The following SPATA16 variants were observed in gnomAD, a reference collection of about 807,000 sequenced individuals.
The protein encoded by SPATA16 is spermatogenesis associated 16.
In SPATA16, 36 loss-of-function variants were observed where a neutral mutation model predicts 63.3. The ratio of observed to expected loss-of-function variants is 0.57; its 90% CI spans 0.44 to 0.75. The LOEUF (loss-of-function observed/expected upper bound fraction) is 0.75. SPATA16 is among the 30% of genes least tolerant of loss of function. The pLI is 0.00. For missense variants in SPATA16, 646 were observed against 679.3 expected, an observed-to-expected ratio of 0.95 and a Z score of 0.54; for synonymous variants, 203 against 216.7, an observed-to-expected ratio of 0.94 and a Z score of 0.56.
At chr3:173,022,503 A>G (rs145151378) in intron 3 of SPATA16, among the ~76,000 whole-genome samples, 1 of 152,318 alleles carries the variant, frequency 6.6e-6, no homozygotes, top group Non-Finnish European at 1.5e-5. Flanking sequence ...CCCCTGTTAG[A>G]TATTTGGCAA....
At chr3:172,966,799 A>G (rs2108243844) in intron 5 of SPATA16, among the ~76,000 whole-genome samples, 1 of 152,338 alleles carries the variant, frequency 6.6e-6, no homozygotes. Flanking sequence ...TTTACAGATT[A>G]TCTTATACCT....
intron 4 of SPATA16, among the ~76,000 whole-genome samples, chr3:172,992,171 C>CT (rs912215083): frequency 5.3e-5 from 8 of 151,452 alleles, no homozygotes; most frequent in Non-Finnish European, 1.0e-4. Context: ...AGATGATGCT[C>CT]TTTTTTCTTC....
intron 6 of SPATA16, among the ~76,000 whole-genome samples, chr3:172,950,437 A>G (rs547736267): frequency 6.6e-6 from 1 of 152,354 alleles, no homozygotes; most frequent in South Asian, 2.1e-4. Flanking sequence ...CAAATATTAG[A>G]TGATTTATCG....
intron 3 of SPATA16, among the ~76,000 whole-genome samples, chr3:173,026,166 T>A (rs1466277824): frequency 6.6e-6 from 1 of 151,730 alleles, no homozygotes; most frequent in Non-Finnish European, 1.5e-5. Context: ...GTGGCTTTAG[T>A]TTGCATTTCC....
chr3:173,054,636 G>T (rs1225403672), intron 2 of SPATA16, among the ~76,000 whole-genome samples: 1 of 152,054 alleles, frequency 6.6e-6, no homozygotes, highest in Non-Finnish European at 1.5e-5. Flanking sequence ...GCCTATTGGG[G>T]GTGGGGTTTG....
At chr3:172,997,746 C>G (rs1344198980) in intron 4 of SPATA16, among the ~76,000 whole-genome samples, 1 of 152,010 alleles carries the variant, frequency 6.6e-6, no homozygotes, top group Non-Finnish European at 1.5e-5. Context: ...ACATTTAGAT[C>G]TGTGATCCAT....
intron 4 of SPATA16, among the ~76,000 whole-genome samples, chr3:172,989,205 A>C (rs1469761294): frequency 6.6e-6 from 1 of 152,096 alleles, no homozygotes; most frequent in Non-Finnish European, 1.5e-5. Context: ...CAAAATATCC[A>C]TCCAAGTGTA....
chr3:172,960,036 T>A (rs972671813), intron 5 of SPATA16, among the ~76,000 whole-genome samples: 3 of 151,816 alleles, frequency 2.0e-5, no homozygotes, highest in Non-Finnish European at 4.4e-5. Context: ...AAAATTATAC[T>A]TAAGGACTTT....
At chr3:173,019,821 A>G (rs918888203) in intron 3 of SPATA16, among the ~76,000 whole-genome samples, 2 of 152,234 alleles carry the variant, frequency 1.3e-5, no homozygotes, top group African/African-American at 4.8e-5. Flanking sequence ...ATTTTTACAG[A>G]TATGACAATG....
chr3:172,893,429 G>A (rs971209964), intron 10 of SPATA16, among the ~76,000 whole-genome samples: 2 of 151,752 alleles, frequency 1.3e-5, no homozygotes, highest in African/African-American at 4.9e-5. Context: ...GGAGAGGCAG[G>A]GAACAGTTTC....
chr3:173,132,720 C>T (rs901337458), intron 1 of SPATA16, among the ~76,000 whole-genome samples: 4 of 152,122 alleles, frequency 2.6e-5, no homozygotes, highest in Admixed American at 1.3e-4. Flanking sequence ...AAAATATAAA[C>T]TAATATATAA....
At chr3:173,026,095 T>G (rs1177807386) in intron 3 of SPATA16, among the ~76,000 whole-genome samples, 1 of 151,984 alleles carries the variant, frequency 6.6e-6, no homozygotes, top group Non-Finnish European at 1.5e-5. Context: ...ATGATCAGCA[T>G]GTATGCGTGT....
intron 10 of SPATA16, among the ~76,000 whole-genome samples, chr3:172,904,645 A>G (rs1408180484): frequency 6.6e-6 from 1 of 152,228 alleles, no homozygotes; most frequent in East Asian, 1.9e-4. Flanking sequence ...CAGCTGCTGA[A>G]AATGTTTTAC....
chr3:173,088,542 T>A (rs1737144996), intron 2 of SPATA16, among the ~76,000 whole-genome samples: 1 of 152,234 alleles, frequency 6.6e-6, no homozygotes, highest in Non-Finnish European at 1.5e-5. Flanking sequence ...CTTATGATTA[T>A]ATAGATTTGT....
At chr3:173,131,769 A>G (rs1413905716) in intron 1 of SPATA16, among the ~76,000 whole-genome samples, 1 of 152,178 alleles carries the variant, frequency 6.6e-6, no homozygotes, top group African/African-American at 2.4e-5. Flanking sequence ...TGAGGGTTGC[A>G]GCTCAGCCTC....
intron 2 of SPATA16, among the ~76,000 whole-genome samples, chr3:173,086,169 C>CT (rs1039143116): frequency 2.6e-5 from 4 of 151,894 alleles, no homozygotes; most frequent in African/African-American, 7.3e-5. Flanking sequence ...TTGTCCTGGG[C>CT]TTTTTTTGCT....
chr3:172,893,712 G>C (rs975363914), intron 10 of SPATA16, among the ~76,000 whole-genome samples: 2 of 152,136 alleles, frequency 1.3e-5, no homozygotes, highest in Non-Finnish European at 2.9e-5. Flanking sequence ...CCCTGGCACA[G>C]GCTTAGTGTA....
At chr3:172,950,964 G>A (rs1030654058) in intron 6 of SPATA16, among the ~76,000 whole-genome samples, 1 of 152,002 alleles carries the variant, frequency 6.6e-6, no homozygotes, top group African/African-American at 2.4e-5. Context: ...TATGCGGATT[G>A]TATTACTTTA....
intron 1 of SPATA16, among the ~76,000 whole-genome samples, chr3:173,137,245 T>C (rs538408250): frequency 1.3e-5 from 2 of 152,274 alleles, no homozygotes; most frequent in Admixed American, 1.3e-4. Flanking sequence ...GAGGGATTCT[T>C]TTCAAATGGC....
Sources: allele counts gnomAD v4.1 joint callset (sites outside exome capture counted in the v4.1 genomes callset), GRCh38; gene constraint gnomAD v4.1.1; transcripts MANE v1.5; gene names NCBI Gene and HGNC (gene_info 2026-07-23, HGNC 2026-07-21).